RBFOX1: variants seen among roughly 807,000 people sequenced by gnomAD.
RBFOX1 encodes the protein RNA binding protein fox-1 homolog 1.
Under a neutral mutation model 57.7 loss-of-function variants are expected in RBFOX1, and 8 were observed. That is an observed-to-expected ratio of 0.14 (90% confidence interval 0.08 to 0.25). The LOEUF (loss-of-function observed/expected upper bound fraction) is 0.25, where lower values mean the gene tolerates loss of function less well. RBFOX1 is among the 10% of genes least tolerant of loss of function. The pLI is 1.00. For synonymous variants in RBFOX1, 326 were observed against 222.4 expected (o/e 1.47, Z -4.15); for missense variants, 611 against 548.5 (o/e 1.11, Z -1.14).
intron 1 of RBFOX1, among the ~76,000 whole-genome samples, chr16:6,295,966 G>C (rs1241921710): frequency 6.6e-6 from 1 of 152,156 alleles, no homozygotes; most frequent in Non-Finnish European, 1.5e-5. Flanking sequence ...TGTCTGTATG[G>C]TTATCATAGA....
intron 4 of RBFOX1, among the ~76,000 whole-genome samples, chr16:7,359,767 A>G (rs1335516282): frequency 2.0e-5 from 3 of 152,094 alleles, no homozygotes; most frequent in African/African-American, 7.2e-5. Flanking sequence ...GGTGGATCAC[A>G]AGTTCAGGAG....
intron 3 of RBFOX1, among the ~76,000 whole-genome samples, chr16:5,710,760 G>T (rs979490774): frequency 1.3e-5 from 2 of 152,164 alleles, no homozygotes; most frequent in Middle Eastern, 3.2e-3. Context: ...TACCGGCTCT[G>T]TGTCCCTGGG....
intron 4 of RBFOX1, among the ~76,000 whole-genome samples, chr16:7,160,810 T>TCTCCCTCCTCCCTC (rs201530809): frequency 1.1e-4 from 16 of 142,482 alleles, no homozygotes; most frequent in Non-Finnish European, 1.7e-4. Flanking sequence ...CCCCCTTTCT[T>TCTCCCTCCTCCCTC]CTCCCTCCTC....
At chr16:6,146,071 C>G (rs1031625400) in intron 1 of RBFOX1, among the ~76,000 whole-genome samples, 4 of 152,134 alleles carry the variant, frequency 2.6e-5, no homozygotes, top group African/African-American at 9.7e-5. Flanking sequence ...ACATGGGGAT[C>G]CAAGCTGTGT....
intron 4 of RBFOX1, among the ~76,000 whole-genome samples, chr16:5,965,769 C>G (rs1349221268): frequency 6.6e-6 from 1 of 152,130 alleles, no homozygotes; most frequent in African/African-American, 2.4e-5. Flanking sequence ...GCAGAGTAGC[C>G]GTTCTGAGTG....
intron 3 of RBFOX1, among the ~76,000 whole-genome samples, chr16:6,790,721 CTCT>C (rs1471643887): frequency 6.6e-6 from 1 of 152,098 alleles, no homozygotes; most frequent in Non-Finnish European, 1.5e-5. Flanking sequence ...TCCATCCCTC[CTCT>C]TCTTCTTCTC....
intron 5 of RBFOX1, among the ~76,000 whole-genome samples, chr16:7,525,107 C>CCTCTAT (rs1600858015): frequency 6.6e-6 from 1 of 152,108 alleles, no homozygotes; most frequent in Non-Finnish European, 1.5e-5. Context: ...GCCTGCTTGT[C>CCTCTAT]CTCTATCTCT....
intron 3 of RBFOX1, among the ~76,000 whole-genome samples, chr16:6,945,372 C>G (rs1292409574): frequency 6.6e-6 from 1 of 152,092 alleles, no homozygotes; most frequent in Non-Finnish European, 1.5e-5. Context: ...TGGCCCATTG[C>G]TGGTCTGAAC....
chr16:6,225,802 A>G (rs544999407), intron 1 of RBFOX1, among the ~76,000 whole-genome samples: 15 of 152,350 alleles, frequency 9.8e-5, no homozygotes, highest in African/African-American at 3.4e-4. Flanking sequence ...CTAGCCTAGG[A>G]GACATGACTG....
chr16:5,370,117 C>G (rs1315388046), intron 1 of RBFOX1, among the ~76,000 whole-genome samples: 1 of 152,154 alleles, frequency 6.6e-6, no homozygotes, highest in South Asian at 2.1e-4. Context: ...TACAGAAATA[C>G]CTGCTCTTGT....
intron 2 of RBFOX1, among the ~76,000 whole-genome samples, chr16:6,612,592 C>T (rs115673212): frequency 0.015 from 2,253 of 152,144 alleles, 55 homozygotes; most frequent in African/African-American, 0.052. Flanking sequence ...TTGGTCACAC[C>T]TGTAATCCCA....
intron 1 of RBFOX1, among the ~76,000 whole-genome samples, chr16:6,228,906 CAT>C (rs2152898340): frequency 6.6e-6 from 1 of 152,122 alleles, no homozygotes; most frequent in East Asian, 1.9e-4. Flanking sequence ...ACCTGATAAA[CAT>C]ATATAATTTT....
intron 3 of RBFOX1, among the ~76,000 whole-genome samples, chr16:5,761,010 A>G (rs2053572924): frequency 6.6e-6 from 1 of 152,224 alleles, no homozygotes; most frequent in Non-Finnish European, 1.5e-5. Flanking sequence ...TCAATGAAAA[A>G]CAGATAATGT....
chr16:7,370,502 C>T (rs564991455), intron 4 of RBFOX1, among the ~76,000 whole-genome samples: 2 of 152,198 alleles, frequency 1.3e-5, no homozygotes, highest in African/African-American at 2.4e-5. Flanking sequence ...CTGTCTCCCT[C>T]ACTTTCCCTT....
At chr16:7,649,987 G>C (rs2064630065) in intron 11 of RBFOX1, among the ~76,000 whole-genome samples, 1 of 83,250 alleles carries the variant, frequency 1.2e-5, no homozygotes, top group African/African-American at 4.0e-5. Context: ...AGAAGAGCGA[G>C]GGGAGAAAGG....
chr16:6,786,333 A>T (rs777369841), intron 3 of RBFOX1, among the ~76,000 whole-genome samples: 1 of 152,134 alleles, frequency 6.6e-6, no homozygotes, highest in African/African-American at 2.4e-5. Context: ...AAAGGCCCAC[A>T]ATGTACCCCC....
chr16:6,376,107 A>G (rs977916994), intron 2 of RBFOX1, among the ~76,000 whole-genome samples: 1 of 152,126 alleles, frequency 6.6e-6, no homozygotes, highest in African/African-American at 2.4e-5. Flanking sequence ...CTTCTTTTAC[A>G]ATGAGCTCTC....
chr16:6,449,765 A>G (rs895524776), intron 2 of RBFOX1, among the ~76,000 whole-genome samples: 3 of 152,206 alleles, frequency 2.0e-5, no homozygotes, highest in Non-Finnish European at 2.9e-5. Flanking sequence ...CTGGTGGCCC[A>G]TATTTTATTA....
chr16:7,099,676 A>G (rs957168497), intron 4 of RBFOX1, among the ~76,000 whole-genome samples: 1 of 152,116 alleles, frequency 6.6e-6, no homozygotes, highest in Admixed American at 6.5e-5. Context: ...GACATCAATC[A>G]ATACATGTAA....
Sources: allele counts gnomAD v4.1 joint callset (sites outside exome capture counted in the v4.1 genomes callset), GRCh38; gene constraint gnomAD v4.1.1; transcripts MANE v1.5; gene names NCBI Gene and HGNC (gene_info 2026-07-23, HGNC 2026-07-21).